Variants in FGF14 observed in about 807,000 individuals in gnomAD.
FGF14 encodes the protein fibroblast growth factor homologous factor 4.
Under a neutral mutation model 25.5 loss-of-function variants are expected in FGF14, and 5 were observed. The observed-to-expected ratio is 0.20, with a 90% CI of 0.10 to 0.41. The LOEUF is 0.41. Among genes scored for constraint, FGF14 ranks in the 10% least tolerant of loss-of-function variants. FGF14 has a pLI of 1.00. For missense variants in FGF14, 222 were observed against 320.1 expected, an observed-to-expected ratio of 0.69 and a Z score of 2.34; for synonymous variants, 138 against 118.3, an observed-to-expected ratio of 1.17 and a Z score of -1.08.
intron 1 of FGF14, chr13:102,002,484 A>T (rs552997541): frequency 6.3e-6 from 1 of 158,826 alleles, no homozygotes; most frequent in African/African-American, 2.4e-5. Context: ...CTTTCCTTAC[A>T]GCTGCAAACA....
Position 101,718,732 on chromosome 13 carries a change from A to G in FGF14, c.*4099T>C, listed in dbSNP as rs1170438822. On this transcript the variant is annotated 3_prime_UTR_variant, in exon 5 of 5. Coordinates refer to ENST00000376143, the MANE Select transcript of FGF14 (RefSeq NM_004115.4). ...ACCGCCCTCCACTACCTCAAATGCA[A>G]ACACAATCTCTGCCAGTAGACATTG... is the stretch of plus-strand genomic sequence containing the variant. The G allele has an allele frequency of 6.6e-6, 1 of 152,014 alleles. No individual in the cohort carries two copies. The highest frequency in any genetic ancestry group is 6.6e-5 in the Admixed American group (1 of 15,244). 9.4% of individuals were successfully genotyped at this position (152,014 alleles called of 1,614,324 possible). A position where few individuals can be genotyped will look rare whatever the true frequency, so the allele number is the denominator to read the frequency against.
intron 1 of FGF14, among the ~76,000 whole-genome samples, chr13:102,022,602 G>A (rs73565721): frequency 0.032 from 4,819 of 152,006 alleles, 246 homozygotes; most frequent in African/African-American, 0.11. Context: ...AGATGACACC[G>A]TCTCACATGG....
chr13:101,915,228 A>C (rs1271947084), intron 1 of FGF14, among the ~76,000 whole-genome samples: 1 of 152,190 alleles, frequency 6.6e-6, no homozygotes, highest in Non-Finnish European at 1.5e-5. Flanking sequence ...AATATTCAGC[A>C]TTAGCCTTTA....
At chr13:101,855,529 A>T (rs2044080117) in intron 3 of FGF14, among the ~76,000 whole-genome samples, 1 of 151,992 alleles carries the variant, frequency 6.6e-6, no homozygotes, top group Admixed American at 6.6e-5. Context: ...TGTTCAGAAA[A>T]TGGCTGGAAT....
chr13:101,815,663 T>G (rs1226350855), intron 3 of FGF14, among the ~76,000 whole-genome samples: 2 of 152,126 alleles, frequency 1.3e-5, no homozygotes, highest in Non-Finnish European at 2.9e-5. Context: ...GATCTCCTCC[T>G]TAGCTCACCC....
chr13:102,338,669 A>G (rs933243007), intron 1 of FGF14, among the ~76,000 whole-genome samples: 3 of 152,194 alleles, frequency 2.0e-5, no homozygotes, highest in African/African-American at 7.2e-5. Flanking sequence ...CAAAGATGTG[A>G]TGTTGTGCCC....
intron 1 of FGF14, among the ~76,000 whole-genome samples, chr13:102,092,681 C>T (rs576281994): frequency 1.8e-3 from 273 of 152,200 alleles, no homozygotes; most frequent in African/African-American, 6.1e-3. Flanking sequence ...AAAACTAGTA[C>T]AGGTAATAAC....
intron 1 of FGF14, among the ~76,000 whole-genome samples, chr13:101,982,845 T>C (rs1177293586): frequency 6.6e-6 from 1 of 152,234 alleles, no homozygotes; most frequent in Non-Finnish European, 1.5e-5. Flanking sequence ...ACATCATTTA[T>C]CCAAGTTAGG....
At chr13:101,894,960 T>C (rs772765016) in intron 1 of FGF14, among the ~76,000 whole-genome samples, 2 of 152,144 alleles carry the variant, frequency 1.3e-5, no homozygotes, top group Non-Finnish European at 2.9e-5. Context: ...GATGAAAACA[T>C]TTTTTGCCCT....
Position 101,712,279 on chromosome 13 carries a change from A to G in FGF14, c.*10552T>C, listed in dbSNP as rs1000791653. 2.0e-5 allele frequency: 3 copies of G among 152,188 alleles called. No individual in the cohort carries two copies. The highest frequency in any genetic ancestry group is 7.2e-5 in the African/African-American group (3 of 41,444). The allele number at this position is 152,188 out of a possible 1,614,324, so 9.4% of individuals were successfully genotyped here. ...ATGCTACTGTTTCATGACACATACA[A>G]AATCAATCCTCATTTTTTATTCTAA... On this transcript the variant is annotated 3_prime_UTR_variant, in exon 5 of 5. Transcript: ENST00000376143.
At chr13:102,310,980 C>A (rs1461513117) in intron 1 of FGF14, among the ~76,000 whole-genome samples, 1 of 152,046 alleles carries the variant, frequency 6.6e-6, no homozygotes, top group Non-Finnish European at 1.5e-5. Flanking sequence ...AGCATCGCCT[C>A]TGTTAATATG....
intron 1 of FGF14, among the ~76,000 whole-genome samples, chr13:102,381,311 G>T (rs2058178344): frequency 6.6e-6 from 1 of 152,160 alleles, no homozygotes; most frequent in South Asian, 2.1e-4. Flanking sequence ...AAATTAATAT[G>T]TTGAAACCTA....
At chr13:101,886,938 T>A (rs2046019245) in intron 1 of FGF14, among the ~76,000 whole-genome samples, 1 of 152,068 alleles carries the variant, frequency 6.6e-6, no homozygotes, top group African/African-American at 2.4e-5. Context: ...GTTATATTTT[T>A]AAAATGTTCA....
intron 3 of FGF14, among the ~76,000 whole-genome samples, chr13:101,780,381 G>C (rs1258496629): frequency 6.6e-6 from 1 of 152,114 alleles, no homozygotes; most frequent in African/African-American, 2.4e-5. Flanking sequence ...TTTTCCACCA[G>C]GCACTTGTGA....
intron 1 of FGF14, among the ~76,000 whole-genome samples, chr13:102,221,996 T>C (rs897342784): frequency 2.0e-5 from 3 of 152,120 alleles, no homozygotes; most frequent in Non-Finnish European, 4.4e-5. Flanking sequence ...CAGAAATTGT[T>C]TATCTTTAGC....
intron 1 of FGF14, among the ~76,000 whole-genome samples, chr13:102,161,572 AG>A (rs1197739308): frequency 2.9e-3 from 2 of 692 alleles, no homozygotes; most frequent in South Asian, 0.071. Context: ...CTGTGAAGAA[AG>A]AAAGAAGAAG....
chr13:102,163,521 A>T (rs1182158360), intron 1 of FGF14, among the ~76,000 whole-genome samples: 1 of 152,118 alleles, frequency 6.6e-6, no homozygotes, highest in Non-Finnish European at 1.5e-5. Flanking sequence ...GAACTTAAGA[A>T]ATGCTCTATA....
intron 3 of FGF14, among the ~76,000 whole-genome samples, chr13:101,804,577 C>G (rs771909493): frequency 2.6e-5 from 4 of 152,114 alleles, no homozygotes; most frequent in Admixed American, 1.3e-4. Flanking sequence ...CTCCATTAGA[C>G]ATACACAAGC....
intron 1 of FGF14, among the ~76,000 whole-genome samples, chr13:101,889,174 G>A (rs1031890734): frequency 9.9e-5 from 15 of 152,200 alleles, no homozygotes; most frequent in Admixed American, 9.8e-4. Context: ...TGTTATTGAA[G>A]CCACCAAGTC....
Sources: gnomAD v4.1 joint callset for allele counts (sites outside exome capture counted in the v4.1 genomes callset) on GRCh38, gnomAD v4.1.1 for gene constraint, MANE v1.5 for transcripts, NCBI Gene and HGNC (gene_info 2026-07-23, HGNC 2026-07-21) for gene names.